The following RANBP17 variants were observed in gnomAD, a reference collection of about 807,000 sequenced individuals.
RANBP17 encodes ran-binding protein 17.
Under a neutral mutation model 141.2 loss-of-function variants are expected in RANBP17, and 158 were observed. That is an observed-to-expected ratio of 1.12 (90% CI 0.98 to 1.28). The LOEUF (loss-of-function observed/expected upper bound fraction) is 1.28. RANBP17 is among the 50% of genes most tolerant of loss of function. The pLI is 0.00. For synonymous variants in RANBP17, 430 were observed against 450.0 expected (o/e 0.96, Z 0.56); for missense variants, 1,438 against 1,290.7 (o/e 1.11, Z -1.75).
intron 5 of RANBP17, among the ~76,000 whole-genome samples, chr5:170,903,227 GGCTACCGTGGTGGGCTCC>G (rs1382526722): frequency 6.6e-6 from 1 of 152,220 alleles, no homozygotes; most frequent in Non-Finnish European, 1.5e-5. Flanking sequence ...GAGGCAGTCT[GGCTACCGTGGTGGGCTCC>G]GCCCATTTTG....
chr5:170,938,898 T>A (rs1248793074), intron 12 of RANBP17, among the ~76,000 whole-genome samples: 1 of 152,168 alleles, frequency 6.6e-6, no homozygotes, highest in Non-Finnish European at 1.5e-5. Flanking sequence ...ATTCTGAGAA[T>A]TTTTTTGACT....
At chr5:171,208,987 G>A (rs1236684328) in intron 20 of RANBP17, among the ~76,000 whole-genome samples, 1 of 152,166 alleles carries the variant, frequency 6.6e-6, no homozygotes, top group Non-Finnish European at 1.5e-5. Flanking sequence ...CTAGGTTCAT[G>A]AGGAGTATAG....
At chr5:170,937,745 T>C (rs1581190325) in intron 12 of RANBP17, among the ~76,000 whole-genome samples, 1 of 152,212 alleles carries the variant, frequency 6.6e-6, no homozygotes, top group Non-Finnish European at 1.5e-5. Context: ...ATGACAATCT[T>C]TTGTCATTTC....
At chr5:170,954,989 A>T (rs1033252940) in intron 13 of RANBP17, among the ~76,000 whole-genome samples, 3 of 152,172 alleles carry the variant, frequency 2.0e-5, no homozygotes, top group African/African-American at 2.4e-5. Context: ...CAGCAGGGAC[A>T]TAGATTCTCA....
intron 21 of RANBP17, among the ~76,000 whole-genome samples, chr5:171,219,762 T>C (rs940416014): frequency 2.0e-5 from 3 of 152,042 alleles, no homozygotes; most frequent in African/African-American, 7.2e-5. Context: ...TGTTCTTCTC[T>C]AAACAGATTA....
intron 14 of RANBP17, among the ~76,000 whole-genome samples, chr5:171,048,148 G>A (rs992452940): frequency 5.9e-5 from 9 of 151,942 alleles, no homozygotes; most frequent in Non-Finnish European, 1.2e-4. Flanking sequence ...CTGCAGCCTT[G>A]ATCTCTTGGG....
At chr5:171,277,938 C>CTTTTTTTTTTTTTTTTTTTTTTTTTTTT (rs140208253) in intron 25 of RANBP17, among the ~76,000 whole-genome samples, 3 of 72,266 alleles carry the variant, frequency 4.2e-5, no homozygotes, top group Admixed American at 2.5e-4. Flanking sequence ...GGACTTCTTT[C>CTTTTTTTTTTTTTTTTTTTTTTTTTTTT]TTTTTTTTTT....
chr5:170,884,445 A>G (rs1768977842), intron 3 of RANBP17, among the ~76,000 whole-genome samples: 1 of 152,168 alleles, frequency 6.6e-6, no homozygotes, highest in Non-Finnish European at 1.5e-5. Flanking sequence ...AGAGAAAAGA[A>G]TATTATTTGG....
At chr5:171,163,838 C>T (rs1041873140) in intron 14 of RANBP17, among the ~76,000 whole-genome samples, 1 of 152,076 alleles carries the variant, frequency 6.6e-6, no homozygotes, top group South Asian at 2.1e-4. Flanking sequence ...CATCCAATGG[C>T]AAAATACTTT....
At chr5:171,081,962 C>A (rs1468040946) in intron 14 of RANBP17, among the ~76,000 whole-genome samples, 1 of 152,092 alleles carries the variant, frequency 6.6e-6, no homozygotes, top group Non-Finnish European at 1.5e-5. Context: ...ACCTGAGAAT[C>A]CTTCTAACTC....
At chr5:171,224,100 T>C (rs1763744889) in intron 22 of RANBP17, among the ~76,000 whole-genome samples, 1 of 152,208 alleles carries the variant, frequency 6.6e-6, no homozygotes, top group Admixed American at 6.5e-5. Flanking sequence ...TCTCTTATAC[T>C]CACCAACCCA....
intron 24 of RANBP17, among the ~76,000 whole-genome samples, chr5:171,261,921 AT>A (rs1372496770): frequency 6.6e-6 from 1 of 152,216 alleles, no homozygotes; most frequent in Non-Finnish European, 1.5e-5. Context: ...GATCCTTATG[AT>A]TCCACACTTT....
At chr5:171,039,879 T>G (rs1435397819) in intron 14 of RANBP17, among the ~76,000 whole-genome samples, 3 of 151,940 alleles carry the variant, frequency 2.0e-5, no homozygotes, top group Non-Finnish European at 4.4e-5. Flanking sequence ...GAATCAGTAA[T>G]AAAAACCTAC....
intron 14 of RANBP17, among the ~76,000 whole-genome samples, chr5:171,043,731 C>A (rs973230456): frequency 7.2e-5 from 11 of 152,072 alleles, no homozygotes; most frequent in Non-Finnish European, 1.5e-4. Context: ...CTAGGGTAAG[C>A]AGAAGCTCCT....
rs543277901 is a variant in RANBP17 at position 171,253,020 on chromosome 5, G to T, written c.2776+10200G>T. On this transcript the variant is annotated intron_variant, in intron 24 of 27. Transcript: ENST00000523189. The stretch of plus-strand genomic sequence containing the variant: ...CCGTGATGAAGAGATACTTTCTGCC[G>T]CATTTCTTCTCTGGTTATTTTGGAA... 16 of 1,098,702 alleles carry T rather than the reference G, an allele frequency of 1.5e-5. No individual in the cohort carries two copies. In the African/African-American group the frequency reaches 2.3e-4, roughly 16 times the overall value. 68.1% of individuals were successfully genotyped at this position (1,098,702 alleles called of 1,614,324 possible).
At chr5:171,201,681 A>G (rs1011173910) in intron 19 of RANBP17, among the ~76,000 whole-genome samples, 2 of 152,216 alleles carry the variant, frequency 1.3e-5, no homozygotes, top group Non-Finnish European at 2.9e-5. Flanking sequence ...AGTAAATTCT[A>G]CTGTAAGCAC....
rs529758447 is a variant in RANBP17 at position 170,968,080 on chromosome 5, T to C, written c.1575-162T>C. Among the ~76,000 whole-genome samples, 26 of 152,064 alleles carry C rather than the reference T, an allele frequency of 1.7e-4. No individual in the cohort carries two copies. In the East Asian group the frequency reaches 4.8e-3, roughly 28 times the overall value. ...TAGACCAAGTAGTAATATCTCTCAG[T>C]AGTAGGATTTCAGATGATTCAAAAA... is the stretch of plus-strand genomic sequence containing the variant. On this transcript the variant is annotated intron_variant, in intron 13 of 27. Transcript: ENST00000523189.
intron 24 of RANBP17, among the ~76,000 whole-genome samples, chr5:171,262,649 A>G (rs975286814): frequency 1.3e-5 from 2 of 152,314 alleles, no homozygotes; most frequent in Admixed American, 1.3e-4. Flanking sequence ...TGTTGGGAAC[A>G]TTCAAAATCT....
At chr5:171,020,254 G>C (rs148362076) in intron 14 of RANBP17, among the ~76,000 whole-genome samples, 116 of 152,294 alleles carry the variant, frequency 7.6e-4, no homozygotes, top group African/African-American at 2.7e-3. Flanking sequence ...TTGATTTGGG[G>C]TGGAGAGTTC....
Sources: gnomAD v4.1 joint callset for allele counts (sites outside exome capture counted in the v4.1 genomes callset) on GRCh38, gnomAD v4.1.1 for gene constraint, MANE v1.5 for transcripts, NCBI Gene and HGNC (gene_info 2026-07-23, HGNC 2026-07-21) for gene names.